ADAM10: variants seen among roughly 807,000 people sequenced by gnomAD.
ADAM10 encodes disintegrin and metalloproteinase domain-containing protein 10.
Under a neutral mutation model 90.1 loss-of-function variants are expected in ADAM10, and 17 were observed. The ratio of observed to expected loss-of-function variants is 0.19; its 90% CI spans 0.13 to 0.28. The LOEUF (loss-of-function observed/expected upper bound fraction) is 0.28, where lower values mean the gene tolerates loss of function less well. ADAM10 is among the 10% of genes least tolerant of loss of function. The pLI is 1.00. For missense variants in ADAM10, 610 were observed against 914.3 expected (o/e 0.67, Z 4.29); for synonymous variants, 310 against 298.6 (o/e 1.04, Z -0.40).
chr15:58,662,685 CAGGT>C (rs1259855603), intron 5 of ADAM10, among the ~76,000 whole-genome samples: 6 of 152,112 alleles, frequency 3.9e-5, no homozygotes, highest in Admixed American at 6.6e-5. Flanking sequence ...TCACAGAGTC[CAGGT>C]AGTTTTTCTT....
chr15:58,660,926 G>T (rs1896950905), intron 5 of ADAM10, among the ~76,000 whole-genome samples: 2 of 152,204 alleles, frequency 1.3e-5, no homozygotes, highest in Non-Finnish European at 2.9e-5. Flanking sequence ...AATAGGTGTG[G>T]CTGTGTTCTA....
intron 11 of ADAM10, among the ~76,000 whole-genome samples, chr15:58,621,262 CAA>C (rs749439192): frequency 5.9e-4 from 15 of 25,266 alleles, no homozygotes; most frequent in Admixed American, 1.0e-3. Context: ...GACCCTGTCT[CAA>C]AAAAAAAAAA....
intron 2 of ADAM10, among the ~76,000 whole-genome samples, chr15:58,707,545 T>G (rs1898343475): frequency 6.6e-6 from 1 of 151,988 alleles, no homozygotes; most frequent in South Asian, 2.1e-4. Context: ...AAACTTAAAA[T>G]GAGTAACTTC....
At chr15:58,623,685 C>A (rs778158809) in intron 10 of ADAM10, among the ~76,000 whole-genome samples, 7 of 152,006 alleles carry the variant, frequency 4.6e-5, no homozygotes, top group Non-Finnish European at 8.8e-5. Context: ...AAGCTAGAAG[C>A]CATCATACCC....
chr15:58,645,971 T>G (rs1305762304), intron 6 of ADAM10, 84 bp downstream of exon 6: 6 of 1,453,782 alleles, frequency 4.1e-6, no homozygotes, highest in African/African-American at 1.4e-5. Flanking sequence ...AAAAAGAGAA[T>G]ACACTAACTT....
intron 1 of ADAM10, among the ~76,000 whole-genome samples, chr15:58,744,822 C>T (rs1344028772): frequency 1.3e-5 from 2 of 152,150 alleles, no homozygotes. Context: ...CCAGCTTGGG[C>T]AACCTAGTGA....
At chr15:58,655,711 G>GTGTGTGTATATATATATATATATA (rs1212041296) in intron 5 of ADAM10, among the ~76,000 whole-genome samples, 2 of 53,734 alleles carry the variant, frequency 3.7e-5, no homozygotes, top group African/African-American at 8.1e-5. Flanking sequence ...TATATATATA[G>GTGTGTGTATATATATATATATATA]TATATATATA....
At chr15:58,727,230 GC>G in intron 1 of ADAM10, among the ~76,000 whole-genome samples, 1 of 119,806 alleles carries the variant, frequency 8.3e-6, no homozygotes, top group Admixed American at 1.2e-4. Flanking sequence ...TTCGCTCGTT[GC>G]CCAGGCCGTA....
chr15:58,598,755 G>GA (rs1895027417), intron 15 of ADAM10, among the ~76,000 whole-genome samples: 1 of 152,190 alleles, frequency 6.6e-6, no homozygotes. Flanking sequence ...TAAACAATAC[G>GA]AAGGGTTTAT....
intron 1 of ADAM10, among the ~76,000 whole-genome samples, chr15:58,725,485 G>T (rs1899000177): frequency 6.6e-6 from 1 of 151,468 alleles, no homozygotes; most frequent in Non-Finnish European, 1.5e-5. Flanking sequence ...GTCCAAGGTT[G>T]CAGTGAGCTA....
At chr15:58,610,227 T>C (rs1895402530) in intron 14 of ADAM10, 70 bp downstream of exon 14, 1 of 1,305,950 alleles carries the variant, frequency 7.7e-7, no homozygotes, top group Non-Finnish European at 1.1e-6. Context: ...GTAACTTTGA[T>C]GACTTCTGGC....
intron 4 of ADAM10, among the ~76,000 whole-genome samples, chr15:58,673,718 CCT>C (rs1897249784): frequency 6.6e-6 from 1 of 151,202 alleles, no homozygotes; most frequent in East Asian, 2.0e-4. Flanking sequence ...GAATTAAGCC[CCT>C]CACTGTCTCT....
intron 2 of ADAM10, chr15:58,692,317 G>A: frequency 3.3e-6 from 2 of 607,510 alleles, no homozygotes; most frequent in South Asian, 1.4e-5. Flanking sequence ...CTCTTCCTGG[G>A]TGATGTCATC....
intron 2 of ADAM10, among the ~76,000 whole-genome samples, chr15:58,695,938 G>C (rs2140781740): frequency 6.6e-6 from 1 of 152,212 alleles, no homozygotes; most frequent in South Asian, 2.1e-4. Context: ...CCAACATGGT[G>C]AAACCCCATC....
chr15:58,631,059 C>G (rs112090074), intron 9 of ADAM10, among the ~76,000 whole-genome samples: 1 of 152,034 alleles, frequency 6.6e-6, no homozygotes, highest in Non-Finnish European at 1.5e-5. Flanking sequence ...CTTGACCCCA[C>G]GCTCCCACCA....
chr15:58,719,898 A>G (rs1898784187), intron 1 of ADAM10, among the ~76,000 whole-genome samples: 1 of 152,202 alleles, frequency 6.6e-6, no homozygotes, highest in East Asian at 1.9e-4. Flanking sequence ...AATTAATATT[A>G]GAGAGCCTAC....
At chr15:58,682,058 G>A (rs1342743649) in intron 3 of ADAM10, 138 bp downstream of exon 3, 5 of 1,169,562 alleles carry the variant, frequency 4.3e-6, no homozygotes, top group Non-Finnish European at 4.8e-6. Context: ...ATTTCTCAAA[G>A]ACCATTACCC....
At chr15:58,677,059 G>A (rs1470554539) in intron 4 of ADAM10, among the ~76,000 whole-genome samples, 1 of 152,144 alleles carries the variant, frequency 6.6e-6, no homozygotes, top group African/African-American at 2.4e-5. Context: ...ATGTTTTCTT[G>A]TCTTAAACCA....
At chr15:58,612,979 G>A (rs1595990404) in intron 11 of ADAM10, among the ~76,000 whole-genome samples, 1 of 152,296 alleles carries the variant, frequency 6.6e-6, no homozygotes, top group South Asian at 2.1e-4. Context: ...ATCCGCAACT[G>A]GAAGCCAGCA....
Sources: gnomAD v4.1 joint callset for allele counts (sites outside exome capture counted in the v4.1 genomes callset) on GRCh38, gnomAD v4.1.1 for gene constraint, MANE v1.5 for transcripts, NCBI Gene and HGNC (gene_info 2026-07-23, HGNC 2026-07-21) for gene names.